Variants in NAA25 observed in about 807,000 individuals in gnomAD.
The protein encoded by NAA25 is N-alpha-acetyltransferase 25, NatB auxiliary subunit.
A neutral mutation model predicts 132.5 loss-of-function variants in NAA25; 30 were observed. The observed-to-expected ratio is 0.23, with a 90% CI of 0.17 to 0.31. NAA25 has a LOEUF of 0.31. Among genes scored for constraint, NAA25 ranks in the 10% least tolerant of loss-of-function variants. The pLI is 1.00. For missense variants in NAA25, 771 were observed against 1,150.4 expected, an observed-to-expected ratio of 0.67 and a Z score of 4.77; for synonymous variants, 359 against 401.9, an observed-to-expected ratio of 0.89 and a Z score of 1.28.
At position 112,078,647 on chromosome 12, in the gene NAA25, T is replaced by G. The variant is rs769873050; in HGVS notation, c.572A>C (p.Glu191Ala). 6.2e-7 allele frequency: 1 copy of G among 1,613,560 alleles called. No homozygotes were observed. The highest frequency in any genetic ancestry group is 8.5e-7 in the Non-Finnish European group (1 of 1,179,624). ...VEKMVKEDKI[E>A]AEAEVELYYM... The stretch of plus-strand genomic sequence containing the variant: ...TAAAATACTCACTTCAGCCTCAGCT[T>G]CTATCTTGTCCTCTTTCACCATTTT... The change falls in exon 6 of 24, where the codon GAA (glutamate) becomes GCA (alanine). Residue 191 changes from glutamate (E) to alanine (A), a missense_variant. Physicochemically the swap from Glu to Ala is moderately radical, Grantham distance 107 (BLOSUM62 -1). Coordinates refer to ENST00000261745, the MANE Select transcript of NAA25 (RefSeq NM_024953.4).
At position 112,098,332 on chromosome 12, in the gene NAA25, G is replaced by C. The variant is rs565885781; in HGVS notation, c.59-5196C>G. On this transcript the variant is annotated intron_variant, in intron 1 of 23. Transcript: ENST00000261745. ...AAAGAGATTGTTTCTTCACCTGAAA[G>C]AGTTTAAAACACTTTACCACATTCA... is the stretch of plus-strand genomic sequence containing the variant. 2.0e-5 allele frequency among the ~76,000 whole-genome samples: 3 copies of C among 152,132 alleles called. No homozygotes were observed. The South Asian group carries it at 6.2e-4, about 32-fold the overall frequency.
intron 1 of NAA25, among the ~76,000 whole-genome samples, chr12:112,103,250 G>C (rs1051067740): frequency 6.6e-6 from 1 of 152,172 alleles, no homozygotes; most frequent in Non-Finnish European, 1.5e-5. Context: ...GCCTCCCAAA[G>C]TGCTGGGATT....
intron 1 of NAA25, among the ~76,000 whole-genome samples, chr12:112,104,044 A>C (rs1452311721): frequency 1.3e-4 from 20 of 152,188 alleles, no homozygotes. Flanking sequence ...AGGAACTCCT[A>C]AACTATGAAC....
chr12:112,102,369 T>A (rs2136947430), intron 1 of NAA25, among the ~76,000 whole-genome samples: 1 of 151,506 alleles, frequency 6.6e-6, no homozygotes, highest in Middle Eastern at 3.4e-3. Context: ...CAAGACCTTG[T>A]CTCCAAAAAC....
intron 23 of NAA25, among the ~76,000 whole-genome samples, chr12:112,031,550 G>A (rs1332550223): frequency 1.3e-5 from 2 of 152,142 alleles, no homozygotes; most frequent in Non-Finnish European, 2.9e-5. Context: ...AGAAGCTAGG[G>A]CTTGAAAAAT....
At position 112,093,665 on chromosome 12, in the gene NAA25, A is replaced by G. The variant is rs552887073; in HGVS notation, c.59-529T>C. Among the ~76,000 whole-genome samples the G allele has an allele frequency of 6.8e-4, 104 of 152,236 alleles. No homozygotes were observed. In the South Asian group the frequency reaches 7.0e-3, roughly 10 times the overall value. On this transcript the variant is annotated intron_variant, in intron 1 of 23. Transcript: ENST00000261745. ...GAGGCCAAGGTGGGTGAATCACTTGAGCCCAGGAATTCGAGACCAGCTCTG... is the reference window on the plus strand; with the variant it reads ...GAGGCCAAGGTGGGTGAATCACTTGGGCCCAGGAATTCGAGACCAGCTCTG...
At position 112,049,590 on chromosome 12, in the gene NAA25, G is replaced by C. The variant is rs1036947948; in HGVS notation, c.1729-1147C>G. Reference sequence around the variant, plus strand: ...TTTTAAACCCCCATGGGACACCTCGGCGAGCTGTTTGCCTGCAGTATCTGG... The same window carrying C: ...TTTTAAACCCCCATGGGACACCTCGCCGAGCTGTTTGCCTGCAGTATCTGG... On this transcript the variant is annotated intron_variant, in intron 15 of 23. Transcript: ENST00000261745. This position sits in a 1 kb window ranked among gnomAD's most constrained non-coding sequence, Gnocchi z 4.7. 3 of 985,682 alleles carry C rather than the reference G, an allele frequency of 3.0e-6. No homozygotes were observed. The African/African-American group carries it at 5.2e-5, about 17-fold the overall frequency. The allele number at this position is 985,682 out of a possible 1,614,324, so 61.1% of individuals were successfully genotyped here.
Position 112,075,689 on chromosome 12 carries a change from G to A in NAA25, c.765C>T (p.Leu255=). ...AAGCTTTTACTCACTTTTTTAGTAA[G>A]AGGCGCCGGGAAAGGGCATTGCACT... ...WPECNALSRR[L]LLKNSDDWQF... The change falls in exon 8 of 24, where the codon CTC becomes CTT. Residue 255 remains leucine (L), a synonymous_variant. Transcript: ENST00000261745. 2 of 1,613,654 alleles carry A rather than the reference G, an allele frequency of 1.2e-6. No individual in the cohort carries two copies. Among genetic ancestry groups the A allele is most frequent in the Non-Finnish European group, 1.7e-6 (2 of 1,179,694 alleles).
intron 11 of NAA25, among the ~76,000 whole-genome samples, chr12:112,063,275 A>C (rs558492242): frequency 1.3e-5 from 2 of 152,318 alleles, no homozygotes; most frequent in South Asian, 4.1e-4. Context: ...TAAGGGCACC[A>C]GGTGTCCCTA....
At chr12:112,035,399 A>G (rs917133746) in intron 22 of NAA25, 1 of 151,620 alleles carries the variant, frequency 6.6e-6, no homozygotes, top group Non-Finnish European at 1.5e-5. Context: ...GGCTCAAGCT[A>G]TTCTCTCACC....
At chr12:112,067,379 C>A (rs1439158314) in intron 11 of NAA25, among the ~76,000 whole-genome samples, 1 of 152,146 alleles carries the variant, frequency 6.6e-6, no homozygotes, top group East Asian at 1.9e-4. Flanking sequence ...ATATAAAAAT[C>A]TCTGCAAACT....
chr12:112,106,031 A>G (rs1593848122), intron 1 of NAA25, among the ~76,000 whole-genome samples: 1 of 152,250 alleles, frequency 6.6e-6, no homozygotes, highest in African/African-American at 2.4e-5. Flanking sequence ...TTTAAACAAC[A>G]AAAGTGTGGA....
At chr12:112,100,614 C>CTTTTTTT (rs71083200) in intron 1 of NAA25, among the ~76,000 whole-genome samples, 171 of 100,606 alleles carry the variant, frequency 1.7e-3, no homozygotes, top group East Asian at 4.6e-3. Context: ...ATTCCATTGT[C>CTTTTTTT]TTTTTTTTTT....
chr12:112,070,177 G>A (rs529134918), intron 10 of NAA25, among the ~76,000 whole-genome samples: 10 of 152,162 alleles, frequency 6.6e-5, no homozygotes, highest in African/African-American at 2.2e-4. Flanking sequence ...CTTAGTATGA[G>A]CAAAGAATTA....
chr12:112,048,139 T>C (rs964975848), intron 16 of NAA25, among the ~76,000 whole-genome samples, 153 bp downstream of exon 16: 17 of 152,152 alleles, frequency 1.1e-4, no homozygotes, highest in South Asian at 2.1e-4. Flanking sequence ...CCATTCCCCA[T>C]GACATGTGCC....
At chr12:112,102,744 T>C (rs575688144) in intron 1 of NAA25, among the ~76,000 whole-genome samples, 6 of 131,502 alleles carry the variant, frequency 4.6e-5, no homozygotes, top group South Asian at 2.6e-4. Context: ...TGGAGTGCAA[T>C]AGCGCGATCT....
chr12:112,033,390 G>T lies in NAA25; in HGVS notation c.2650-11C>A. The T allele has an allele frequency of 1.3e-6, 2 of 1,588,898 alleles. 1 individual carries two copies. Among genetic ancestry groups the T allele is most frequent in the South Asian group, 2.3e-5 (2 of 86,276 alleles). On this transcript the variant is annotated splice_polypyrimidine_tract_variant and intron_variant, in intron 22 of 23. Transcript: ENST00000261745. Reference sequence around the variant, plus strand: ...GGTAAAGACAGGTGGCTGGGAAAAAGATTAAAAAAGAGTTGAAACATTATC... The same window carrying T: ...GGTAAAGACAGGTGGCTGGGAAAAATATTAAAAAAGAGTTGAAACATTATC...
intron 22 of NAA25, among the ~76,000 whole-genome samples, chr12:112,035,603 C>G (rs2078213644): frequency 6.6e-6 from 1 of 152,060 alleles, no homozygotes; most frequent in Non-Finnish European, 1.5e-5. Flanking sequence ...TAACACTCAG[C>G]AGAGCATCCA....
chr12:112,078,965 C>A (rs1254539903), intron 5 of NAA25, among the ~76,000 whole-genome samples: 1 of 152,128 alleles, frequency 6.6e-6, no homozygotes, highest in African/African-American at 2.4e-5. Flanking sequence ...TGAGCTTCCA[C>A]AATACAACCT....
Sources: gnomAD v4.1 joint callset for allele counts (sites outside exome capture counted in the v4.1 genomes callset) on GRCh38, gnomAD v4.1.1 for gene constraint, Gnocchi (gnomAD v3.1) non-coding constraint, MANE v1.5 for transcripts, NCBI Gene and HGNC (gene_info 2026-07-23, HGNC 2026-07-21) for gene names.